ANGPT1: variants seen among roughly 807,000 people sequenced by gnomAD.
The protein encoded by ANGPT1 is angiopoietin-1.
In ANGPT1, 17 loss-of-function variants were observed where a neutral mutation model predicts 62.2. That is an observed-to-expected ratio of 0.27 (90% CI 0.19 to 0.41). ANGPT1 has a LOEUF of 0.41. Ranked by LOEUF, ANGPT1 falls within the 10% of genes least tolerant of loss-of-function variation. The pLI is 1.00. For synonymous variants in ANGPT1, 199 were observed against 198.9 expected (o/e 1.00, Z 0.00); for missense variants, 478 against 594.9 (o/e 0.80, Z 2.04).
intron 4 of ANGPT1, among the ~76,000 whole-genome samples, chr8:107,306,909 T>G (rs574205663): frequency 4.4e-4 from 67 of 151,690 alleles, no homozygotes; most frequent in Non-Finnish European, 2.4e-4. Flanking sequence ...AAAAAAAGTC[T>G]GGACTAAGAT....
chr8:107,380,357 GTT>G (rs1816611281), intron 1 of ANGPT1, among the ~76,000 whole-genome samples: 1 of 53,914 alleles, frequency 1.9e-5, no homozygotes, highest in African/African-American at 5.9e-5. Flanking sequence ...TGTGCAGGAT[GTT>G]TGTGTGTGTG....
At chr8:107,404,700 G>C (rs186486661) in intron 1 of ANGPT1, among the ~76,000 whole-genome samples, 350 of 152,146 alleles carry the variant, frequency 2.3e-3, no homozygotes, top group African/African-American at 8.3e-3. Flanking sequence ...TGTGTTTGTA[G>C]AATCTGTCCT....
At chr8:107,303,526 G>C (rs1814644829) in intron 4 of ANGPT1, among the ~76,000 whole-genome samples, 159 bp from the exon 5 acceptor site, 1 of 150,116 alleles carries the variant, frequency 6.7e-6, no homozygotes, top group South Asian at 2.1e-4. Context: ...TAGATTTTGA[G>C]GTAGCTTACA....
chr8:107,303,271 A>G lies in ANGPT1; in HGVS notation c.905T>C (p.Ile302Thr). The G allele has an allele frequency of 1.2e-6, 2 of 1,608,658 alleles. No individual in the cohort carries two copies. The highest frequency in any genetic ancestry group is 2.2e-5 in the South Asian group (2 of 90,848). ...GGGTTCTGGCATATTATTAATATAA[A>G]TAGTGTAGATTCCACTTTTATTAAA... is the stretch of plus-strand genomic sequence containing the variant. ...AGFNKSGIYT[I>T]YINNMPEPKK... The change falls in exon 5 of 9, where the codon ATT becomes ACT. Residue 302 changes from isoleucine (I) to threonine (T), a missense_variant. Physicochemically the swap from Ile to Thr is moderately conservative, Grantham distance 89. Transcript: ENST00000517746.
intron 1 of ANGPT1, among the ~76,000 whole-genome samples, chr8:107,449,581 T>C (rs1811712152): frequency 6.6e-6 from 1 of 152,034 alleles, no homozygotes; most frequent in Non-Finnish European, 1.5e-5. Flanking sequence ...GAAGGAAGTA[T>C]TTTCTCTGTT....
chr8:107,284,634 AGTGG>A (rs1457570015), intron 7 of ANGPT1, 44 bp downstream of exon 7: 2 of 1,334,012 alleles, frequency 1.5e-6, no homozygotes, highest in African/African-American at 3.0e-5. Flanking sequence ...ACAATTATTA[AGTGG>A]CTAGGTAAAA....
chr8:107,322,069 A>C lies in ANGPT1; in HGVS notation c.635T>G (p.Leu212Ter). The change falls in exon 4 of 9, where the codon TTA (leucine) becomes TGA (stop). Residue 212 changes from leucine to a stop codon, truncating the protein, a stop_gained. Coordinates refer to ENST00000517746, the MANE Select transcript of ANGPT1 (RefSeq NM_001146.5). LOFTEE classifies it high-confidence loss of function. ...TTGAAGGTTCTCTTTCTCTTCCTTT[A>C]AGGTGTCCAACTCTTCCTTGTGTTT... The part of the protein sequence containing the change: ...EGKHKEELDT[L>*]KEEKENLQGL... 6.2e-7 allele frequency: 1 copy of C among 1,613,958 alleles called. No homozygotes were observed. The highest frequency in any genetic ancestry group is 8.5e-7 in the Non-Finnish European group (1 of 1,179,912).
At chr8:107,459,318 G>T (rs1812003343) in intron 1 of ANGPT1, among the ~76,000 whole-genome samples, 1 of 152,094 alleles carries the variant, frequency 6.6e-6, no homozygotes, top group Non-Finnish European at 1.5e-5. Context: ...GGGAGACCCA[G>T]GCGGGCAGAT....
chr8:107,256,844 G>GT (rs201485864), intron 8 of ANGPT1, among the ~76,000 whole-genome samples: 48 of 150,836 alleles, frequency 3.2e-4, no homozygotes, highest in East Asian at 2.9e-3. Context: ...GTTTTGTTCT[G>GT]TTTTTTTTTT....
intron 1 of ANGPT1, among the ~76,000 whole-genome samples, chr8:107,400,744 A>T (rs1047571355): frequency 6.6e-6 from 1 of 151,708 alleles, no homozygotes; most frequent in South Asian, 2.1e-4. Flanking sequence ...ATTTTTAGTA[A>T]AGACGGGTTT....
intron 7 of ANGPT1, among the ~76,000 whole-genome samples, chr8:107,267,258 A>G (rs1813634849): frequency 6.6e-6 from 1 of 152,036 alleles, no homozygotes; most frequent in Admixed American, 6.6e-5. Flanking sequence ...ATTTGTGACC[A>G]CTTTTTCATA....
At chr8:107,365,698 A>T (rs766252066) in intron 1 of ANGPT1, among the ~76,000 whole-genome samples, 7 of 152,306 alleles carry the variant, frequency 4.6e-5, no homozygotes, top group Admixed American at 1.3e-4. Context: ...CTTCCAAAAC[A>T]TTCAGATAGA....
chr8:107,339,417 T>C (rs1205012770), intron 2 of ANGPT1, among the ~76,000 whole-genome samples: 2 of 152,176 alleles, frequency 1.3e-5, no homozygotes, highest in African/African-American at 4.8e-5. Context: ...GCCAAATTCA[T>C]TCCAATCTTG....
intron 2 of ANGPT1, chr8:107,336,618 T>TCG (rs1378631975): frequency 1.4e-5 from 2 of 141,262 alleles, no homozygotes; most frequent in African/African-American, 5.9e-5. Flanking sequence ...TGAGCCGGGA[T>TCG]CGCGCCACTG....
rs1325275943 is a variant in ANGPT1, at chr8:107,282,518, ATATAT to A, written c.1205+2159_1205+2163del. On this transcript the variant is annotated intron_variant, in intron 7 of 8. Coordinates refer to ENST00000517746, the MANE Select transcript of ANGPT1 (RefSeq NM_001146.5). ...GAAGAGTTCATATATATTATATATC[ATATAT>A]TATATTATATATATATTACATATAT... Among the ~76,000 whole-genome samples the A allele has an allele frequency of 1.6e-4, 22 of 137,526 alleles. No homozygotes were observed. The East Asian group carries it at 2.3e-3, about 15-fold the overall frequency. The allele number at this position is 137,526 out of a possible 152,430, so 90.2% of individuals were successfully genotyped here. A position where few individuals can be genotyped will look rare whatever the true frequency, so the allele number is the denominator to read the frequency against.
At chr8:107,371,143 G>A (rs1816401963) in intron 1 of ANGPT1, among the ~76,000 whole-genome samples, 1 of 152,144 alleles carries the variant, frequency 6.6e-6, no homozygotes, top group Non-Finnish European at 1.5e-5. Flanking sequence ...TTATGTATGT[G>A]TTACATGGTA....
intron 7 of ANGPT1, among the ~76,000 whole-genome samples, chr8:107,280,304 G>T (rs957493292): frequency 6.6e-6 from 1 of 151,858 alleles, no homozygotes; most frequent in Non-Finnish European, 1.5e-5. Flanking sequence ...GGGTTCAAGT[G>T]ATTCTCTTGT....
chr8:107,329,142 TGA>T (rs1815361522), intron 3 of ANGPT1, among the ~76,000 whole-genome samples: 2 of 152,064 alleles, frequency 1.3e-5, no homozygotes, highest in Admixed American at 6.6e-5. Flanking sequence ...CAATTATATA[TGA>T]GTGTACATCT....
intron 3 of ANGPT1, among the ~76,000 whole-genome samples, chr8:107,325,521 A>C (rs1271008318): frequency 3.3e-5 from 5 of 152,186 alleles, no homozygotes; most frequent in Non-Finnish European, 7.4e-5. Flanking sequence ...ACCATTTTGT[A>C]CTTGAAATAA....
Sources: gnomAD v4.1 joint callset for allele counts (sites outside exome capture counted in the v4.1 genomes callset) on GRCh38, gnomAD v4.1.1 for gene constraint, MANE v1.5 for transcripts, NCBI Gene and HGNC (gene_info 2026-07-23, HGNC 2026-07-21) for gene names.